The following ADGRL4 variants were observed in gnomAD, a reference collection of about 807,000 sequenced individuals.
ADGRL4 encodes the protein adhesion G protein-coupled receptor L4, also known as EGF, latrophilin and seven transmembrane domain containing 1.
Under a neutral mutation model 74.8 loss-of-function variants are expected in ADGRL4, and 90 were observed. That is an observed-to-expected ratio of 1.20 (90% confidence interval 1.02 to 1.43). The LOEUF (loss-of-function observed/expected upper bound fraction) is 1.43. ADGRL4 is among the 40% of genes most tolerant of loss of function. ADGRL4 has a pLI of 0.00. For synonymous variants in ADGRL4, 311 were observed against 279.2 expected, an observed-to-expected ratio of 1.11 and a Z score of -1.14; for missense variants, 881 against 814.3, an observed-to-expected ratio of 1.08 and a Z score of -1.00.
chr1:78,938,098 A>T lies in ADGRL4; in HGVS notation c.576+2T>A, dbSNP rs150098160. The T allele has an allele frequency of 6.2e-7, 1 of 1,612,132 alleles. No individual in the cohort carries two copies. The highest frequency in any genetic ancestry group is 2.2e-5 in the East Asian group (1 of 44,786). On this transcript the variant is annotated splice_donor_variant, in intron 5 of 14. Transcript: ENST00000370742. LOFTEE classifies it high-confidence loss of function. ...TATTGAGTTAAAGCTGAACATACTT[A>T]CAGTAAGAGTTGAGTTAGAAAGGGT... is the stretch of plus-strand genomic sequence containing the variant.
At chr1:78,921,120 T>C (rs1279391830) in intron 9 of ADGRL4, among the ~76,000 whole-genome samples, 3 of 151,770 alleles carry the variant, frequency 2.0e-5, no homozygotes, top group Non-Finnish European at 4.4e-5. Context: ...AAGATAAATG[T>C]CATGAAACTA....
At chr1:78,904,228 C>G (rs1324019169) in intron 12 of ADGRL4, among the ~76,000 whole-genome samples, 1 of 151,546 alleles carries the variant, frequency 6.6e-6, no homozygotes, top group African/African-American at 2.4e-5. Context: ...AGTGGTAGAT[C>G]TGCTACATCT....
chr1:78,924,156 C>T (rs913767697), intron 8 of ADGRL4, among the ~76,000 whole-genome samples: 1 of 151,856 alleles, frequency 6.6e-6, no homozygotes. Flanking sequence ...CTCCAGGTTA[C>T]CCTTGAAAGC....
At chr1:78,899,281 T>C (rs535246447) in intron 12 of ADGRL4, among the ~76,000 whole-genome samples, 2 of 152,348 alleles carry the variant, frequency 1.3e-5, no homozygotes, top group African/African-American at 4.8e-5. Context: ...TTCTACTGAC[T>C]GGCCTACTGA....
At chr1:78,919,267 G>A (rs1303311933) in intron 10 of ADGRL4, among the ~76,000 whole-genome samples, 1 of 151,934 alleles carries the variant, frequency 6.6e-6, no homozygotes, top group Non-Finnish European at 1.5e-5. Context: ...ATCTCCAACT[G>A]CAAGGAGTGC....
chr1:78,919,256 A>C (rs975816762), intron 10 of ADGRL4, among the ~76,000 whole-genome samples: 1 of 151,976 alleles, frequency 6.6e-6, no homozygotes, highest in Non-Finnish European at 1.5e-5. Flanking sequence ...ACACTTCTCC[A>C]ATCTCCAACT....
chr1:78,923,999 AG>A (rs149301147), intron 8 of ADGRL4, among the ~76,000 whole-genome samples: 3,806 of 152,054 alleles, frequency 0.025, 72 homozygotes, highest in South Asian at 0.053. Flanking sequence ...CAATTAATGA[AG>A]GAAGATTCAC....
At chr1:78,932,533 C>T (rs4454494) in intron 7 of ADGRL4, among the ~76,000 whole-genome samples, 89,641 of 148,234 alleles carry the variant, frequency 0.6, 27,735 homozygotes, top group East Asian at 0.69. Flanking sequence ...CAAGAGCAAA[C>T]TAATCCAAAA....
At chr1:78,899,458 A>T (rs1648473104) in intron 12 of ADGRL4, among the ~76,000 whole-genome samples, 1 of 152,122 alleles carries the variant, frequency 6.6e-6, no homozygotes, top group South Asian at 2.1e-4. Context: ...GGACTCAAGC[A>T]TCCTCCCACC....
intron 2 of ADGRL4, among the ~76,000 whole-genome samples, chr1:78,985,310 A>G (rs1650471149): frequency 6.6e-6 from 1 of 151,798 alleles, no homozygotes; most frequent in South Asian, 2.1e-4. Flanking sequence ...TTAACTAAAT[A>G]CATAAAAGCA....
intron 2 of ADGRL4, among the ~76,000 whole-genome samples, chr1:78,981,628 A>T (rs1557520001): frequency 6.6e-6 from 1 of 151,928 alleles, no homozygotes; most frequent in Non-Finnish European, 1.5e-5. Flanking sequence ...CATATTAACC[A>T]TATTGTATGA....
chr1:78,990,689 A>G (rs1650590864), intron 2 of ADGRL4, among the ~76,000 whole-genome samples: 1 of 152,020 alleles, frequency 6.6e-6, no homozygotes. Context: ...TCTCCACATG[A>G]TATTCCATTG....
chr1:78,891,131 TA>T lies in ADGRL4; in HGVS notation c.*22del. The T allele has an allele frequency of 6.2e-7, 1 of 1,609,692 alleles. No homozygotes were observed. The highest frequency in any genetic ancestry group is 1.7e-5 in the Admixed American group (1 of 59,846). On this transcript the variant is annotated 3_prime_UTR_variant, in exon 15 of 15. Coordinates refer to ENST00000370742, the MANE Select transcript of ADGRL4 (RefSeq NM_022159.4). ...TGGAATTTTTATTTTTGTGCAGTTG[TA>T]ATTATCCACCATTCTCTATGTTTAC... is the stretch of plus-strand genomic sequence containing the variant.
chr1:78,954,678 A>G (rs1320623421), intron 2 of ADGRL4, among the ~76,000 whole-genome samples: 1 of 152,160 alleles, frequency 6.6e-6, no homozygotes. Flanking sequence ...AGAATTTAAG[A>G]TTAAAGTTAT....
chr1:79,000,931 C>A (rs1650826852), intron 2 of ADGRL4, among the ~76,000 whole-genome samples: 1 of 151,980 alleles, frequency 6.6e-6, no homozygotes, highest in Non-Finnish European at 1.5e-5. Context: ...TTAAGAAGCT[C>A]CTCTGAGATA....
chr1:78,893,911 T>C (rs1197006139), intron 12 of ADGRL4, among the ~76,000 whole-genome samples: 1 of 151,836 alleles, frequency 6.6e-6, no homozygotes, highest in East Asian at 1.9e-4. Flanking sequence ...CCTTTTTCTA[T>C]AGTTTTGAAG....
chr1:78,920,362 T>C lies in ADGRL4; in HGVS notation c.1282A>G (p.Thr428Ala), dbSNP rs141262593. 1.8e-4 allele frequency: 282 copies of C among 1,594,572 alleles called. 1 individual carries two copies. The highest frequency in any genetic ancestry group is 1.7e-3 in the Middle Eastern group (10 of 5,934). The change falls in exon 10 of 15, where the codon ACA (threonine) becomes GCA (alanine). Residue 428 changes from threonine (T) to alanine (A), a missense_variant. Transcript: ENST00000370742. The part of the protein sequence containing the change: ...SIGIKDYNIL[T>A]RITQLGIIIS... ...ATTATTCCTAGTTGAGTGATCCTTG[T>C]AAGAATATTATAATCTTTAATACCC...
Position 78,909,304 on chromosome 1 carries a change from A to G in ADGRL4, c.1749+8330T>C, listed in dbSNP as rs1449244009. On this transcript the variant is annotated intron_variant, in intron 12 of 14. Coordinates refer to ENST00000370742, the MANE Select transcript of ADGRL4 (RefSeq NM_022159.4). ...CTCATGATTTTTCTCATTGTATGCT[A>G]TTTATAGAGGACTGCAAAATACAAT... Among the ~76,000 whole-genome samples, 4 of 151,922 alleles carry G rather than the reference A, an allele frequency of 2.6e-5. No homozygotes were observed. In the East Asian group the frequency reaches 7.7e-4, roughly 29 times the overall value.
intron 8 of ADGRL4, among the ~76,000 whole-genome samples, chr1:78,922,490 A>C (rs1649021123): frequency 6.6e-6 from 1 of 151,990 alleles, no homozygotes; most frequent in Non-Finnish European, 1.5e-5. Flanking sequence ...TGACACACAG[A>C]CTGTGTGATA....
Sources: allele counts gnomAD v4.1 joint callset (sites outside exome capture counted in the v4.1 genomes callset), GRCh38; gene constraint gnomAD v4.1.1; transcripts MANE v1.5; gene names NCBI Gene and HGNC (gene_info 2026-07-23, HGNC 2026-07-21).